The following LRP1B variants were observed in gnomAD, a reference collection of about 807,000 sequenced individuals.
LRP1B encodes the protein LDL receptor related protein 1B.
A neutral mutation model predicts 556.6 loss-of-function variants in LRP1B; 217 were observed. The observed-to-expected ratio is 0.39, with a 90% confidence interval of 0.35 to 0.44. The LOEUF is 0.44. Among genes scored for constraint, LRP1B ranks in the 20% least tolerant of loss-of-function variants. LRP1B has a pLI of 1.00. For missense variants in LRP1B, 5,053 were observed against 5,620.8 expected (o/e 0.90, Z 3.23); for synonymous variants, 2,047 against 1,865.8 (o/e 1.10, Z -2.50).
intron 41 of LRP1B, among the ~76,000 whole-genome samples, chr2:140,654,308 T>A (rs969223465): frequency 6.6e-6 from 1 of 152,258 alleles, no homozygotes; most frequent in Non-Finnish European, 1.5e-5. Context: ...ACAATTGTGA[T>A]TGAAAACATC....
intron 3 of LRP1B, among the ~76,000 whole-genome samples, chr2:141,287,378 A>G (rs1459138212): frequency 6.7e-6 from 1 of 149,202 alleles, no homozygotes; most frequent in Non-Finnish European, 1.5e-5. Flanking sequence ...GCTGGAGTGC[A>G]GTGGCACAAT....
chr2:140,984,617 G>C (rs1696864686), intron 17 of LRP1B, among the ~76,000 whole-genome samples: 1 of 152,064 alleles, frequency 6.6e-6, no homozygotes, highest in Non-Finnish European at 1.5e-5. Context: ...GAACTTCTAT[G>C]AACCTGTCTC....
chr2:141,540,532 A>G (rs1463564551), intron 2 of LRP1B, among the ~76,000 whole-genome samples: 2 of 152,088 alleles, frequency 1.3e-5, no homozygotes, highest in African/African-American at 2.4e-5. Context: ...AAGTGCTTCA[A>G]GACTCATAGA....
chr2:141,152,909 T>A (rs1396369795), intron 7 of LRP1B, among the ~76,000 whole-genome samples: 1 of 151,360 alleles, frequency 6.6e-6, no homozygotes, highest in Non-Finnish European at 1.5e-5. Flanking sequence ...TAAAATTTAA[T>A]ATATTCTTTG....
At chr2:141,543,742 A>AAGAAAAG (rs1553532885) in intron 2 of LRP1B, among the ~76,000 whole-genome samples, 2 of 151,826 alleles carry the variant, frequency 1.3e-5, no homozygotes, top group African/African-American at 4.8e-5. Context: ...AAAAAGAAAA[A>AAGAAAAG]AAAAACAAAT....
At chr2:140,578,525 T>A (rs1681624318) in intron 43 of LRP1B, among the ~76,000 whole-genome samples, 1 of 152,224 alleles carries the variant, frequency 6.6e-6, no homozygotes. Flanking sequence ...GCCTTTGCAT[T>A]TGCAGTGCAC....
chr2:141,898,818 G>T (rs1045006563), intron 1 of LRP1B, among the ~76,000 whole-genome samples: 3 of 152,046 alleles, frequency 2.0e-5, no homozygotes, highest in African/African-American at 7.2e-5. Flanking sequence ...GCCATAATTT[G>T]TTATAGAATA....
At chr2:140,404,415 G>A (rs545958307) in intron 66 of LRP1B, among the ~76,000 whole-genome samples, 48 of 151,738 alleles carry the variant, frequency 3.2e-4, no homozygotes, top group South Asian at 3.1e-3. Context: ...CTCATGATCC[G>A]CCCACTTCGG....
At chr2:141,878,651 T>C (rs1698851192) in intron 1 of LRP1B, among the ~76,000 whole-genome samples, 1 of 152,006 alleles carries the variant, frequency 6.6e-6, no homozygotes, top group Non-Finnish European at 1.5e-5. Flanking sequence ...TAAATTAATG[T>C]GTATATTAAC....
At chr2:140,450,137 T>C (rs1686825704) in intron 63 of LRP1B, among the ~76,000 whole-genome samples, 1 of 152,182 alleles carries the variant, frequency 6.6e-6, no homozygotes, top group South Asian at 2.1e-4. Flanking sequence ...TTTCAGGATT[T>C]CAATGCTGAC....
At chr2:141,682,157 T>C (rs1691127929) in intron 2 of LRP1B, among the ~76,000 whole-genome samples, 1 of 152,036 alleles carries the variant, frequency 6.6e-6, no homozygotes, top group Admixed American at 6.6e-5. Flanking sequence ...TTTAGGGATA[T>C]AGAAAATGGA....
intron 29 of LRP1B, among the ~76,000 whole-genome samples, chr2:140,845,511 AACAC>A (rs1692249133): frequency 1.3e-5 from 2 of 152,130 alleles, no homozygotes; most frequent in Admixed American, 1.3e-4. Flanking sequence ...AAAAAATTAA[AACAC>A]ACACAAAGAA....
At chr2:140,731,583 C>T (rs565509116) in intron 35 of LRP1B, among the ~76,000 whole-genome samples, 7 of 151,958 alleles carry the variant, frequency 4.6e-5, no homozygotes, top group East Asian at 1.9e-4. Flanking sequence ...TCCTGGTCAA[C>T]GTGGTGAAAC....
chr2:141,628,720 C>T (rs1227115437), intron 2 of LRP1B, among the ~76,000 whole-genome samples: 1 of 151,950 alleles, frequency 6.6e-6, no homozygotes, highest in Non-Finnish European at 1.5e-5. Flanking sequence ...ACAATCTCAG[C>T]TCACCACAGT....
intron 7 of LRP1B, among the ~76,000 whole-genome samples, chr2:141,151,807 C>T (rs1041573271): frequency 2.6e-5 from 4 of 152,064 alleles, no homozygotes; most frequent in Non-Finnish European, 5.9e-5. Flanking sequence ...TAACTTTTGC[C>T]ATCAGGGCAA....
At chr2:141,632,233 A>T (rs192872135) in intron 2 of LRP1B, among the ~76,000 whole-genome samples, 1,680 of 152,174 alleles carry the variant, frequency 0.011, 19 homozygotes, top group Middle Eastern at 0.017. Flanking sequence ...AATGCGTATT[A>T]AAAAAACTCA....
At position 141,186,763 on chromosome 2, in the gene LRP1B, T is replaced by C. The variant is rs1317759340; in HGVS notation, c.1013+1658A>G. 1.3e-5 allele frequency among the ~76,000 whole-genome samples: 2 copies of C among 152,080 alleles called. 1 individual carries two copies. Among genetic ancestry groups the C allele is most frequent in the Middle Eastern group, 6.3e-3 (2 of 316 alleles). On this transcript the variant is annotated intron_variant, in intron 7 of 90. Coordinates refer to ENST00000389484, the MANE Select transcript of LRP1B (RefSeq NM_018557.3). Reference sequence around the variant, plus strand: ...AAAATGATAAAATATGGTTCTTTCATACAATGACAGGGAGAAACAGGAAAC... The same window carrying C: ...AAAATGATAAAATATGGTTCTTTCACACAATGACAGGGAGAAACAGGAAAC...
chr2:140,378,276 T>C lies in LRP1B; in HGVS notation c.10542A>G (p.Thr3514=). The change falls in exon 68 of 91, where the codon ACA becomes ACG. Residue 3514 remains threonine, a synonymous_variant. Transcript: ENST00000389484. ...NSDEENCKPQ[T]CTLKDFLCAN... is the part of the protein sequence containing the mutation. ...CACAGAGGAAATCTTTCAATGTACA[T>C]GTCTGTGGCTCTGGGGATAAAAAAA... 4 of 1,602,702 alleles carry C rather than the reference T, an allele frequency of 2.5e-6. No individual in the cohort carries two copies. Among genetic ancestry groups the C allele is most frequent in the Middle Eastern group, 3.3e-4 (2 of 6,042 alleles).
intron 66 of LRP1B, among the ~76,000 whole-genome samples, chr2:140,418,176 CTG>C (rs573685104): frequency 1.8e-4 from 28 of 152,194 alleles, no homozygotes; most frequent in Non-Finnish European, 3.1e-4. Context: ...CAAAGCCAAA[CTG>C]TAATTACAGG....
Sources: allele counts gnomAD v4.1 joint callset (sites outside exome capture counted in the v4.1 genomes callset), GRCh38; gene constraint gnomAD v4.1.1; transcripts MANE v1.5; gene names NCBI Gene and HGNC (gene_info 2026-07-23, HGNC 2026-07-21).